Variants in RFC1 observed in about 807,000 individuals in gnomAD.
RFC1 encodes the protein replication factor C subunit 1, also known as A1 140 kDa subunit.
A neutral mutation model predicts 137.4 loss-of-function variants in RFC1; 37 were observed. That is an observed-to-expected ratio of 0.27 (90% CI 0.21 to 0.35). RFC1 has a LOEUF of 0.35. RFC1 is among the 10% of genes least tolerant of loss of function. The pLI, the probability that RFC1 is intolerant of heterozygous loss-of-function variation, is 1.00. For synonymous variants in RFC1, 429 were observed against 455.7 expected (o/e 0.94, Z 0.75); for missense variants, 1,205 against 1,358.5 (o/e 0.89, Z 1.78).
chr4:39,302,524 C>T lies in RFC1; in HGVS notation c.2412G>A (p.Leu804=). ...CCTGTCTGATATCTTGATTGGCTCC[C>T]AAAATTATTTCATTCATAGCTGGAG... is the stretch of plus-strand genomic sequence containing the variant. ...IPPPAMNEII[L]GANQDIRQVL... is the part of the protein sequence containing the mutation. The change falls in exon 18 of 25, where the codon TTG becomes TTA. Residue 804 remains leucine, a synonymous_variant. Transcript: ENST00000349703. 2 of 1,608,580 alleles carry T rather than the reference C, an allele frequency of 1.2e-6. No individual in the cohort carries two copies. Among genetic ancestry groups the T allele is most frequent in the Non-Finnish European group, 1.7e-6 (2 of 1,175,628 alleles).
intron 6 of RFC1, among the ~76,000 whole-genome samples, chr4:39,324,512 C>G (rs572927561): frequency 1.3e-5 from 2 of 152,306 alleles, no homozygotes; most frequent in South Asian, 4.1e-4. Flanking sequence ...TGTGGATACT[C>G]GCTTGTAGTT....
chr4:39,319,687 C>T (rs192344691), intron 9 of RFC1, among the ~76,000 whole-genome samples: 1 of 152,260 alleles, frequency 6.6e-6, no homozygotes, highest in Admixed American at 6.5e-5. Flanking sequence ...CCCCTTTATC[C>T]GAGGAGGGTA....
chr4:39,342,281 ACAC>A (rs1740638278), intron 4 of RFC1, 61 bp downstream of exon 4: 1 of 1,518,062 alleles, frequency 6.6e-7, no homozygotes. Context: ...GTACATTTAG[ACAC>A]CAACAAAAAA....
intron 1 of RFC1, among the ~76,000 whole-genome samples, chr4:39,362,288 CT>C (rs2109784529): frequency 6.6e-6 from 1 of 152,294 alleles, no homozygotes; most frequent in African/African-American, 2.4e-5. Context: ...CATGTGGCAT[CT>C]TTGCTGATTC....
At chr4:39,307,670 C>T (rs1257641070) in intron 13 of RFC1, among the ~76,000 whole-genome samples, 3 of 151,790 alleles carry the variant, frequency 2.0e-5, no homozygotes, top group Admixed American at 6.6e-5. Context: ...GAGCCAAGAT[C>T]GCACCACTGC....
chr4:39,348,302 A>C (rs1239946652), intron 2 of RFC1, among the ~76,000 whole-genome samples: 2 of 150,538 alleles, frequency 1.3e-5, no homozygotes, highest in African/African-American at 4.9e-5. Context: ...ACGCGACTAT[A>C]GTCCCAGCTA....
intron 4 of RFC1, among the ~76,000 whole-genome samples, chr4:39,338,242 T>C (rs1422668916): frequency 1.3e-5 from 2 of 152,156 alleles, no homozygotes; most frequent in African/African-American, 4.8e-5. Context: ...TAAATCCTAG[T>C]AGAAGACAGA....
At chr4:39,331,978 G>A (rs1286269690) in intron 4 of RFC1, among the ~76,000 whole-genome samples, 1 of 152,096 alleles carries the variant, frequency 6.6e-6, no homozygotes, top group Non-Finnish European at 1.5e-5. Context: ...TTCCTGCGCT[G>A]TTCTCGTGAT....
intron 2 of RFC1, among the ~76,000 whole-genome samples, chr4:39,349,978 T>C (rs992634987): frequency 6.6e-6 from 1 of 152,040 alleles, no homozygotes; most frequent in Admixed American, 6.6e-5. Context: ...CACTCCAACC[T>C]GGGCAATGAG....
intron 1 of RFC1, among the ~76,000 whole-genome samples, chr4:39,363,901 AAGAAG>A (rs1466210613): frequency 4.2e-4 from 6 of 14,154 alleles, no homozygotes; most frequent in Non-Finnish European, 8.8e-4. Context: ...AAAAAAAAAA[AAGAAG>A]AAGAAGAAGA....
At chr4:39,365,317 C>CA (rs1016299304) in intron 1 of RFC1, 20 of 224,340 alleles carry the variant, frequency 8.9e-5, no homozygotes, top group Admixed American at 1.3e-4. Context: ...TTTTCACCGC[C>CA]CCCCCCCAGA....
At chr4:39,302,212 A>C in intron 19 of RFC1, 66 bp downstream of exon 19, 1 of 957,396 alleles carries the variant, frequency 1.0e-6, no homozygotes. Flanking sequence ...ACTTCTATCA[A>C]GCTACCTACA....
chr4:39,313,062 CT>C (rs2109645108), intron 10 of RFC1, 131 bp from the exon 11 acceptor site: 2 of 756,990 alleles, frequency 2.6e-6, no homozygotes, highest in Admixed American at 2.9e-5. Flanking sequence ...GGAAAGTTTG[CT>C]GGAAATTTAC....
At chr4:39,295,186 C>T (rs1247152890) in intron 22 of RFC1, among the ~76,000 whole-genome samples, 1 of 152,186 alleles carries the variant, frequency 6.6e-6, no homozygotes, top group Non-Finnish European at 1.5e-5. Context: ...ACTGTTATTT[C>T]CTATCCCAAA....
intron 2 of RFC1, among the ~76,000 whole-genome samples, chr4:39,349,423 A>G (rs150918124): frequency 2.1e-3 from 317 of 152,330 alleles, no homozygotes; most frequent in African/African-American, 7.3e-3. Context: ...AACAGACACC[A>G]GAGTGCTCAT....
intron 1 of RFC1, among the ~76,000 whole-genome samples, chr4:39,351,891 A>G (rs1175557407): frequency 6.6e-6 from 1 of 150,460 alleles, no homozygotes; most frequent in Non-Finnish European, 1.5e-5. Flanking sequence ...TGAACCCAGG[A>G]GGCAGAGGTT....
chr4:39,330,335 G>C (rs1043127479), intron 4 of RFC1, among the ~76,000 whole-genome samples: 3 of 152,036 alleles, frequency 2.0e-5, no homozygotes, highest in Non-Finnish European at 4.4e-5. Flanking sequence ...TATAAATTTT[G>C]CAACACTTCA....
intron 9 of RFC1, among the ~76,000 whole-genome samples, chr4:39,317,522 A>G (rs1345918876): frequency 2.0e-5 from 3 of 152,174 alleles, no homozygotes; most frequent in African/African-American, 7.2e-5. Context: ...CAGTCAGCTC[A>G]AAGAAGGTAC....
chr4:39,334,818 C>T (rs911740701), intron 4 of RFC1, among the ~76,000 whole-genome samples: 6 of 152,074 alleles, frequency 3.9e-5, no homozygotes, highest in African/African-American at 9.7e-5. Context: ...AAATGTGGTA[C>T]GAACAACCAA....
Sources: allele counts gnomAD v4.1 joint callset (sites outside exome capture counted in the v4.1 genomes callset), GRCh38; gene constraint gnomAD v4.1.1; transcripts MANE v1.5; gene names NCBI Gene and HGNC (gene_info 2026-07-23, HGNC 2026-07-21).